Variants in FRMPD1 observed in about 807,000 individuals in gnomAD.
FRMPD1 encodes FERM and PDZ domain containing 1.
A neutral mutation model predicts 117.8 loss-of-function variants in FRMPD1; 76 were observed. That is an observed-to-expected ratio of 0.65 (90% confidence interval 0.54 to 0.78). The LOEUF (loss-of-function observed/expected upper bound fraction) is 0.78, where lower values mean the gene tolerates loss of function less well. FRMPD1 is among the 30% of genes least tolerant of loss of function. The probability of loss-of-function intolerance (pLI) is 0.00; values close to 1 mark genes in which losing one functional copy is unlikely to be tolerated. For missense variants in FRMPD1, 1,786 were observed against 1,964.5 expected, an observed-to-expected ratio of 0.91 and a Z score of 1.72; for synonymous variants, 783 against 770.4, an observed-to-expected ratio of 1.02 and a Z score of -0.27.
intron 1 of FRMPD1, among the ~76,000 whole-genome samples, chr9:37,686,902 G>A (rs1237228557): frequency 6.6e-6 from 1 of 152,140 alleles, no homozygotes; most frequent in Non-Finnish European, 1.5e-5. Context: ...CTTACTTCAG[G>A]ATTTCCAACT....
intron 1 of FRMPD1, among the ~76,000 whole-genome samples, chr9:37,685,312 G>T (rs912894604): frequency 3.3e-5 from 5 of 152,070 alleles, no homozygotes; most frequent in African/African-American, 1.2e-4. Flanking sequence ...GTTGTATTTT[G>T]TGTTCTTTAT....
chr9:37,701,903 A>AG (rs1822546645), intron 2 of FRMPD1, among the ~76,000 whole-genome samples: 1 of 152,142 alleles, frequency 6.6e-6, no homozygotes, highest in East Asian at 1.9e-4. Context: ...GTGGCTGTGG[A>AG]GATGGAAAGA....
In FRMPD1 at chr9:37,676,360, T is replaced by A. The variant is rs147005128; in HGVS notation, c.-4-16278T>A. On this transcript the variant is annotated intron_variant, in intron 1 of 15. Transcript: ENST00000377765. ...CCTTAGGCAGAACTCCCAGCCCTGA[T>A]CATCTCTATGTACTTTTAAAGTGGG... Among the ~76,000 whole-genome samples the A allele has an allele frequency of 4.4e-4, 67 of 152,272 alleles. No individual in the cohort carries two copies. The East Asian group carries it at 9.8e-3, about 22-fold the overall frequency.
intron 5 of FRMPD1, among the ~76,000 whole-genome samples, chr9:37,711,946 T>G (rs989308261): frequency 1.3e-5 from 2 of 152,156 alleles, no homozygotes; most frequent in African/African-American, 4.8e-5. Context: ...AGGGAAAGTA[T>G]ATAATCAAAT....
chr9:37,634,656 A>C, the FRMPD1 span, among the ~76,000 whole-genome samples: 2 of 142,718 alleles, frequency 1.4e-5, no homozygotes, highest in African/African-American at 4.9e-5. Context: ...TGAAACCCAT[A>C]TCTTTTTTCC....
intron 1 of FRMPD1, among the ~76,000 whole-genome samples, chr9:37,651,794 A>G (rs1283879728): frequency 6.6e-6 from 1 of 152,184 alleles, no homozygotes; most frequent in Non-Finnish European, 1.5e-5. Context: ...TTTGCCACCT[A>G]TAAAATAGGG....
chr9:37,696,988 C>CA (rs57665736), intron 2 of FRMPD1, among the ~76,000 whole-genome samples: 22,500 of 152,118 alleles, frequency 0.15, 1,813 homozygotes, highest in Middle Eastern at 0.19. Flanking sequence ...TTTATACACA[C>CA]AGAGTAATGT....
At chr9:37,627,669 T>C in the FRMPD1 span, among the ~76,000 whole-genome samples, 1 of 152,200 alleles carries the variant, frequency 6.6e-6, no homozygotes, top group Admixed American at 6.5e-5. Context: ...AGACAAGGTC[T>C]CACTTTGTTG....
rs932475350 is a variant in FRMPD1, at chr9:37,731,796, C to T, written c.859-508C>T. Among the ~76,000 whole-genome samples, 3 of 151,958 alleles carry T rather than the reference C, an allele frequency of 2.0e-5. No individual in the cohort carries two copies. In the East Asian group the frequency reaches 5.8e-4, roughly 29 times the overall value. On this transcript the variant is annotated intron_variant, in intron 9 of 15. Transcript: ENST00000377765. The stretch of plus-strand genomic sequence containing the variant: ...GCTGTGGCAGGAGAATCACTTGAAC[C>T]TTGGAGGTGGTGTTTGCATTGAGCC...
the FRMPD1 span, among the ~76,000 whole-genome samples, chr9:37,608,567 T>G: frequency 1.3e-5 from 2 of 152,018 alleles, no homozygotes; most frequent in Non-Finnish European, 2.9e-5. Flanking sequence ...GGACTTGAAC[T>G]CCTGGGCTCA....
chr9:37,620,025 T>G, the FRMPD1 span, among the ~76,000 whole-genome samples: 7 of 152,180 alleles, frequency 4.6e-5, no homozygotes, highest in East Asian at 1.4e-3. Flanking sequence ...TGGGAGGCAG[T>G]TGGCAGCTGC....
At chr9:37,670,575 A>G (rs1196501461) in intron 1 of FRMPD1, among the ~76,000 whole-genome samples, 1 of 152,218 alleles carries the variant, frequency 6.6e-6, no homozygotes, top group Non-Finnish European at 1.5e-5. Flanking sequence ...TGTGAAGATG[A>G]TTAGAAAGAA....
upstream of FRMPD1, among the ~76,000 whole-genome samples, chr9:37,650,389 G>A (rs12349407): frequency 0.16 from 24,017 of 152,044 alleles, 2,224 homozygotes; most frequent in East Asian, 0.45. Context: ...GAGGGCCGAG[G>A]AAAGCTAGGA....
chr9:37,691,459 G>A (rs574992797), intron 1 of FRMPD1, among the ~76,000 whole-genome samples: 79 of 152,234 alleles, frequency 5.2e-4, no homozygotes, highest in African/African-American at 6.7e-4. Flanking sequence ...TAATAATATC[G>A]TACCAATGTT....
intron 15 of FRMPD1, among the ~76,000 whole-genome samples, chr9:37,741,452 C>CAG (rs1427163981): frequency 3.9e-5 from 3 of 76,412 alleles, no homozygotes; most frequent in Non-Finnish European, 7.6e-5. Flanking sequence ...CCTGGCAGGA[C>CAG]ACACACACAC....
chr9:37,684,944 A>G (rs114410000), intron 1 of FRMPD1, among the ~76,000 whole-genome samples: 2,789 of 152,108 alleles, frequency 0.018, 40 homozygotes, highest in East Asian at 0.048. Flanking sequence ...CAGTACACAC[A>G]GGATTTCACT....
rs1824380663 is a variant in FRMPD1 at position 37,740,938 on chromosome 9, C to T, written c.2356+54C>T. 7.1e-7 allele frequency: 1 copy of T among 1,412,018 alleles called. No homozygotes were observed. Among genetic ancestry groups the T allele is most frequent in the African/African-American group, 1.4e-5 (1 of 71,332 alleles). The allele number at this position is 1,412,018 out of a possible 1,614,324, so 87.5% of individuals were successfully genotyped here. A position where few individuals can be genotyped will look rare whatever the true frequency, so the allele number is the denominator to read the frequency against. On this transcript the variant is annotated intron_variant, in intron 15 of 15. Coordinates refer to ENST00000377765, the MANE Select transcript of FRMPD1 (RefSeq NM_014907.3). The surrounding 1 kb of genome is among the most constrained non-coding windows in gnomAD (Gnocchi z 4.2). ...ACGGCAGGCAGCTCCTGAGTGCCTC[C>T]CGGGGATCAAGGCCTGGGGCCAAGC...
At chr9:37,681,786 C>T (rs1376094592) in intron 1 of FRMPD1, among the ~76,000 whole-genome samples, 3 of 152,196 alleles carry the variant, frequency 2.0e-5, no homozygotes, top group Non-Finnish European at 4.4e-5. Context: ...TTCTGCTAGG[C>T]TCTGCAAGGA....
chr9:37,703,287 A>G (rs1459501640), intron 2 of FRMPD1, among the ~76,000 whole-genome samples: 1 of 152,056 alleles, frequency 6.6e-6, no homozygotes, highest in African/African-American at 2.4e-5. Flanking sequence ...ATTTTTATTC[A>G]TATTTGGTAT....
Sources: allele counts gnomAD v4.1 joint callset (sites outside exome capture counted in the v4.1 genomes callset), GRCh38; gene constraint gnomAD v4.1.1; non-coding constraint Gnocchi (gnomAD v3.1); transcripts MANE v1.5; gene names NCBI Gene and HGNC (gene_info 2026-07-23, HGNC 2026-07-21).